Variants in HPS3 observed in about 807,000 individuals in gnomAD.
HPS3 encodes the protein BLOC-2 complex member HPS3.
In HPS3, 79 loss-of-function variants were observed where a neutral mutation model predicts 110.9. The ratio of observed to expected loss-of-function variants is 0.71; its 90% CI spans 0.59 to 0.86. HPS3 has a LOEUF of 0.86. Ranked by LOEUF, HPS3 falls within the 40% of genes least tolerant of loss-of-function variation. The pLI is 0.00. For missense variants in HPS3, 1,197 were observed against 1,206.2 expected, an observed-to-expected ratio of 0.99 and a Z score of 0.11; for synonymous variants, 428 against 451.0, an observed-to-expected ratio of 0.95 and a Z score of 0.65.
chr3:149,168,164 C>G, intron 16 of HPS3, 181 bp downstream of exon 16: 1 of 591,344 alleles, frequency 1.7e-6, no homozygotes, highest in South Asian at 2.0e-5. Flanking sequence ...GATTTATCTC[C>G]TAGTCACAGA....
At chr3:149,153,108 C>T (rs1306853154) in intron 6 of HPS3, among the ~76,000 whole-genome samples, 1 of 152,232 alleles carries the variant, frequency 6.6e-6, no homozygotes, top group African/African-American at 2.4e-5. Context: ...TACCCCCAAC[C>T]ATCCTGCTAG....
intron 4 of HPS3, among the ~76,000 whole-genome samples, chr3:149,143,945 A>G (rs1466071734): frequency 6.6e-6 from 1 of 152,180 alleles, no homozygotes. Context: ...GTACCCATCA[A>G]ACAGCTTCAA....
chr3:149,164,828 C>T (rs1347674568), intron 14 of HPS3, among the ~76,000 whole-genome samples: 2 of 152,188 alleles, frequency 1.3e-5, no homozygotes, highest in Non-Finnish European at 2.9e-5. Context: ...TGCTGAGTGT[C>T]TGTTTTCCTT....
At chr3:149,164,158 G>GT (rs1724181014) in intron 14 of HPS3, among the ~76,000 whole-genome samples, 2 of 152,152 alleles carry the variant, frequency 1.3e-5, no homozygotes, top group East Asian at 1.9e-4. Flanking sequence ...TGAGCGGCTG[G>GT]TTTTGTTGTA....
intron 1 of HPS3, among the ~76,000 whole-genome samples, chr3:149,135,401 C>T (rs1722025630): frequency 6.6e-6 from 1 of 152,062 alleles, no homozygotes; most frequent in Non-Finnish European, 1.5e-5. Flanking sequence ...ATCATGGGGA[C>T]AGTTTCCCCC....
intron 4 of HPS3, among the ~76,000 whole-genome samples, chr3:149,145,062 T>C (rs1227398828): frequency 6.6e-6 from 1 of 152,182 alleles, no homozygotes; most frequent in African/African-American, 2.4e-5. Context: ...TTTTATTATT[T>C]TGAAACCCAA....
chr3:149,163,716 C>T, intron 13 of HPS3, 126 bp from the exon 14 acceptor site: 2 of 610,042 alleles, frequency 3.3e-6, no homozygotes, highest in Non-Finnish European at 5.9e-6. Context: ...CCTTCCCATT[C>T]CCAGGAAAGT....
chr3:149,145,503 C>T lies in HPS3; in HGVS notation c.1120C>T (p.Gln374Ter). Residue 374 changes from glutamine to a stop codon, truncating the protein, a stop_gained, in exon 5 of 17, where the codon CAG becomes TAG. Transcript: ENST00000296051. LOFTEE classifies it high-confidence loss of function. ...AGTCTACCAGTATCCTGAAAAGTCT[C>T]AGCAGGCAGTACTCACGCCACAATT... ...MSVYQYPEKS[Q>*]QAVLTPQFLH... 6.2e-7 allele frequency: 1 copy of T among 1,614,128 alleles called. No homozygotes were observed. Among genetic ancestry groups the T allele is most frequent in the Middle Eastern group, 1.7e-4 (1 of 6,060 alleles).
chr3:149,145,611 T>G, intron 5 of HPS3, 65 bp downstream of exon 5: 1 of 1,203,572 alleles, frequency 8.3e-7, no homozygotes, highest in Non-Finnish European at 1.2e-6. Flanking sequence ...AGGTACTTCC[T>G]AAATCTGTGA....
chr3:149,152,375 C>T (rs1004399747), intron 6 of HPS3, among the ~76,000 whole-genome samples: 1 of 152,018 alleles, frequency 6.6e-6, no homozygotes, highest in Non-Finnish European at 1.5e-5. Flanking sequence ...CATGTATTTT[C>T]AGAGTCTTAT....
At chr3:149,134,159 G>A (rs1016334676) in intron 1 of HPS3, among the ~76,000 whole-genome samples, 3 of 152,036 alleles carry the variant, frequency 2.0e-5, no homozygotes, top group Non-Finnish European at 4.4e-5. Flanking sequence ...ACTGGGCCAC[G>A]GACCTGTTTG....
At chr3:149,171,610 A>C (rs967469381) in intron 16 of HPS3, among the ~76,000 whole-genome samples, 2 of 152,212 alleles carry the variant, frequency 1.3e-5, no homozygotes. Flanking sequence ...AGTAAGGAAA[A>C]ATAAGTTACA....
chr3:149,144,520 AT>A (rs1465262410), intron 4 of HPS3, among the ~76,000 whole-genome samples: 2 of 152,220 alleles, frequency 1.3e-5, no homozygotes, highest in African/African-American at 4.8e-5. Flanking sequence ...ATTGCAATTG[AT>A]TGCTATGTCT....
intron 1 of HPS3, among the ~76,000 whole-genome samples, chr3:149,131,872 T>C (rs1299920360): frequency 6.6e-6 from 1 of 152,124 alleles, no homozygotes; most frequent in African/African-American, 2.4e-5. Flanking sequence ...TGAACACAAA[T>C]GATTAGAAAG....
chr3:149,133,649 AC>A (rs769132121), intron 1 of HPS3, among the ~76,000 whole-genome samples: 2 of 152,100 alleles, frequency 1.3e-5, no homozygotes, highest in Non-Finnish European at 2.9e-5. Flanking sequence ...GCCTCCAGTG[AC>A]CACCACCCTG....
At chr3:149,158,915 T>A in intron 10 of HPS3, 69 bp downstream of exon 10, 2 of 1,115,234 alleles carry the variant, frequency 1.8e-6, no homozygotes, top group Non-Finnish European at 1.3e-6. Context: ...TTTTATGTAG[T>A]ACTGTTTAGA....
chr3:149,171,207 G>A (rs1348425347), intron 16 of HPS3, among the ~76,000 whole-genome samples: 1 of 152,136 alleles, frequency 6.6e-6, no homozygotes, highest in Admixed American at 6.5e-5. Context: ...GGACCCAGGA[G>A]GCAGAGGTTG....
At chr3:149,163,804 G>T (rs1021909752) in intron 13 of HPS3, 38 bp from the exon 14 acceptor site, 1 of 1,106,672 alleles carries the variant, frequency 9.0e-7, no homozygotes, top group African/African-American at 1.5e-5. Flanking sequence ...AGCTTTTGTT[G>T]TTATATTTTG....
At chr3:149,151,916 C>T (rs1447716883) in intron 6 of HPS3, among the ~76,000 whole-genome samples, 5 of 152,214 alleles carry the variant, frequency 3.3e-5, no homozygotes, top group African/African-American at 1.2e-4. Context: ...AAGCCAGCCC[C>T]GACTTAGTGC....
Sources: gnomAD v4.1 joint callset for allele counts (sites outside exome capture counted in the v4.1 genomes callset) on GRCh38, gnomAD v4.1.1 for gene constraint, MANE v1.5 for transcripts, NCBI Gene and HGNC (gene_info 2026-07-23, HGNC 2026-07-21) for gene names.